The following SAMD5 variants were observed in gnomAD, a reference collection of about 807,000 sequenced individuals.
The protein encoded by SAMD5 is sterile alpha motif domain-containing protein 5.
A neutral mutation model predicts 11.3 loss-of-function variants in SAMD5; 13 were observed. The ratio of observed to expected loss-of-function variants is 1.15; its 90% CI spans 0.75 to 1.83. The LOEUF (loss-of-function observed/expected upper bound fraction) is 1.83. Among genes scored for constraint, SAMD5 ranks in the 40% most tolerant of loss-of-function variants. The probability of loss-of-function intolerance (pLI) is 0.00; values close to 1 mark genes in which losing one functional copy is unlikely to be tolerated. For missense variants in SAMD5, 255 were observed against 239.1 expected, an observed-to-expected ratio of 1.07 and a Z score of -0.44; for synonymous variants, 129 against 111.3, an observed-to-expected ratio of 1.16 and a Z score of -1.00.
At chr6:147,930,004 C>T in the SAMD5 span, among the ~76,000 whole-genome samples, 4 of 152,138 alleles carry the variant, frequency 2.6e-5, no homozygotes, top group Admixed American at 1.3e-4. Flanking sequence ...GTAGATTGTG[C>T]AGCATCCCTG....
chr6:147,590,098 C>T (rs1789431866), intron 1 of SAMD5, among the ~76,000 whole-genome samples: 1 of 152,138 alleles, frequency 6.6e-6, no homozygotes, highest in Non-Finnish European at 1.5e-5. Flanking sequence ...TTCACTTACT[C>T]TTAAAGGGTA....
the SAMD5 span, among the ~76,000 whole-genome samples, chr6:147,847,417 A>T: frequency 3.0e-3 from 461 of 152,098 alleles, 4 homozygotes; most frequent in African/African-American, 0.01. Flanking sequence ...TAAAAACTTT[A>T]AAAAAAACCC....
chr6:147,580,248 T>A (rs1789277220), intron 1 of SAMD5, among the ~76,000 whole-genome samples: 1 of 152,182 alleles, frequency 6.6e-6, no homozygotes, highest in Non-Finnish European at 1.5e-5. Context: ...AACCAGAGAA[T>A]GTTAATGTCA....
the SAMD5 span, among the ~76,000 whole-genome samples, chr6:147,753,667 T>C: frequency 6.6e-6 from 1 of 152,104 alleles, no homozygotes; most frequent in East Asian, 1.9e-4. Context: ...CATTCTACTT[T>C]TTTGGTACCC....
chr6:147,650,486 G>C (rs1324781507), intron 1 of SAMD5, among the ~76,000 whole-genome samples: 1 of 152,214 alleles, frequency 6.6e-6, no homozygotes, highest in Non-Finnish European at 1.5e-5. Context: ...AGCTGAAGAC[G>C]AGGCTGAACA....
intron 1 of SAMD5, among the ~76,000 whole-genome samples, chr6:147,618,567 A>T (rs1789908998): frequency 6.6e-6 from 1 of 152,228 alleles, no homozygotes; most frequent in South Asian, 2.1e-4. Context: ...AGAGCAAGGT[A>T]AGATCAGAAA....
At chr6:147,767,740 C>T in the SAMD5 span, among the ~76,000 whole-genome samples, 1 of 152,164 alleles carries the variant, frequency 6.6e-6, no homozygotes. Context: ...AAACAAATAC[C>T]TGTTGTCTAA....
chr6:147,827,529 C>T, the SAMD5 span, among the ~76,000 whole-genome samples: 1,230 of 152,236 alleles, frequency 8.1e-3, 17 homozygotes, highest in South Asian at 0.039. Context: ...CTCATCTAAC[C>T]TCAGTTGCTT....
At chr6:147,813,503 A>G in the SAMD5 span, among the ~76,000 whole-genome samples, 4,599 of 152,290 alleles carry the variant, frequency 0.03, 99 homozygotes, top group Middle Eastern at 0.051. Flanking sequence ...TATCTTTAAG[A>G]TAAATAATAT....
chr6:147,750,511 G>C, the SAMD5 span, among the ~76,000 whole-genome samples: 90 of 152,282 alleles, frequency 5.9e-4, no homozygotes, highest in African/African-American at 2.0e-3. Context: ...AAAAATGCAA[G>C]GATCCGTTGC....
the SAMD5 span, among the ~76,000 whole-genome samples, chr6:147,818,931 G>A: frequency 6.6e-6 from 1 of 152,110 alleles, no homozygotes; most frequent in African/African-American, 2.4e-5. Flanking sequence ...ATTACTCAAA[G>A]AGCTAATAAC....
In SAMD5 at chr6:147,508,793, C is replaced by T; in HGVS notation, c.-136C>T. On this transcript the variant is annotated 5_prime_UTR_variant, in exon 1 of 2. Coordinates refer to ENST00000367474, the MANE Select transcript of SAMD5 (RefSeq NM_001030060.3). ...ATGGTTTTCCGTCTCCTGCCCGAGCCTTTCCTTTAAAAGGAAAACTTTACT... is the reference window on the plus strand; with the variant it reads ...ATGGTTTTCCGTCTCCTGCCCGAGCTTTTCCTTTAAAAGGAAAACTTTACT... 2 of 1,346,406 alleles carry T rather than the reference C, an allele frequency of 1.5e-6. No individual in the cohort carries two copies. The highest frequency in any genetic ancestry group is 3.1e-5 in the South Asian group (2 of 64,804). The allele number at this position is 1,346,406 out of a possible 1,614,324, so 83.4% of individuals were successfully genotyped here.
chr6:147,781,750 A>G, the SAMD5 span, among the ~76,000 whole-genome samples: 2 of 142,872 alleles, frequency 1.4e-5, no homozygotes, highest in Admixed American at 1.5e-4. Context: ...ATTTGTATAT[A>G]TAATGTATAT....
intron 1 of SAMD5, among the ~76,000 whole-genome samples, chr6:147,623,127 T>G (rs1789997121): frequency 6.6e-6 from 1 of 152,182 alleles, no homozygotes; most frequent in Non-Finnish European, 1.5e-5. Flanking sequence ...GGACAGACCA[T>G]CTAGCCTGGC....
chr6:147,696,861 T>C (rs911214673), intron 1 of SAMD5, among the ~76,000 whole-genome samples: 1 of 152,218 alleles, frequency 6.6e-6, no homozygotes. Flanking sequence ...TTATGGGTAT[T>C]TTAGGCTGTA....
chr6:147,871,343 G>A, the SAMD5 span, among the ~76,000 whole-genome samples: 1 of 151,906 alleles, frequency 6.6e-6, no homozygotes, highest in African/African-American at 2.4e-5. Flanking sequence ...TTAGGCTTAA[G>A]AATAAAACTA....
chr6:147,801,504 C>A, the SAMD5 span, among the ~76,000 whole-genome samples: 1 of 152,180 alleles, frequency 6.6e-6, no homozygotes, highest in Non-Finnish European at 1.5e-5. Flanking sequence ...GAAAGGGAAG[C>A]CTTCTCCAAA....
At position 147,519,378 on chromosome 6, in the gene SAMD5, A is replaced by T. The variant is rs959818144; in HGVS notation, c.459+9991A>T. Among the ~76,000 whole-genome samples, 4 of 152,294 alleles carry T rather than the reference A, an allele frequency of 2.6e-5. No homozygotes were observed. The South Asian group carries it at 8.3e-4, about 32-fold the overall frequency. On this transcript the variant is annotated intron_variant, in intron 1 of 1. Coordinates refer to ENST00000367474, the MANE Select transcript of SAMD5 (RefSeq NM_001030060.3). ...CTCATTCCTTCTTTAGTTTTAAAGC[A>T]TTTAATAATTAAACACAGGAATACC...
the SAMD5 span, among the ~76,000 whole-genome samples, chr6:147,868,984 A>G: frequency 6.6e-6 from 1 of 152,224 alleles, no homozygotes; most frequent in African/African-American, 2.4e-5. Flanking sequence ...AGGGGAATTA[A>G]GAGCTTATTC....
Sources: gnomAD v4.1 joint callset for allele counts (sites outside exome capture counted in the v4.1 genomes callset) on GRCh38, gnomAD v4.1.1 for gene constraint, MANE v1.5 for transcripts, NCBI Gene and HGNC (gene_info 2026-07-23, HGNC 2026-07-21) for gene names.